Variants in PHACTR4 observed in about 807,000 individuals in gnomAD.
PHACTR4 encodes phosphatase and actin regulator 4.
Under a neutral mutation model 72.7 loss-of-function variants are expected in PHACTR4, and 51 were observed. That is an observed-to-expected ratio of 0.70 (90% CI 0.56 to 0.89). The LOEUF (loss-of-function observed/expected upper bound fraction) is 0.89, where lower values mean the gene tolerates loss of function less well. Among genes scored for constraint, PHACTR4 ranks in the 40% least tolerant of loss-of-function variants. The probability of loss-of-function intolerance (pLI) is 0.00; values close to 1 mark genes in which losing one functional copy is unlikely to be tolerated. For synonymous variants in PHACTR4, 255 were observed against 302.5 expected (o/e 0.84, Z 1.63); for missense variants, 731 against 861.8 (o/e 0.85, Z 1.90).
intron 1 of PHACTR4, 116 bp downstream of exon 1, chr1:28,369,941 G>A (rs781224630): frequency 1.1e-5 from 4 of 355,346 alleles, no homozygotes; most frequent in African/African-American, 6.9e-5. Context: ...CCGGGCAGAA[G>A]GTAACGGCCC....
chr1:28,426,325 G>A (rs1379235358), intron 2 of PHACTR4, among the ~76,000 whole-genome samples: 1 of 151,986 alleles, frequency 6.6e-6, no homozygotes, highest in Non-Finnish European at 1.5e-5. Flanking sequence ...ACCAATAGTA[G>A]TTGGTACTAT....
At chr1:28,460,113 A>T in intron 3 of PHACTR4, 99 bp from the exon 4 acceptor site, 1 of 675,864 alleles carries the variant, frequency 1.5e-6, no homozygotes, top group Non-Finnish European at 2.4e-6. Context: ...ATATAAACTT[A>T]AACTACTTTA....
intron 2 of PHACTR4, among the ~76,000 whole-genome samples, chr1:28,448,544 A>G (rs1657648458): frequency 6.8e-6 from 1 of 147,654 alleles, no homozygotes; most frequent in African/African-American, 2.5e-5. Flanking sequence ...TGAGGTCAGG[A>G]GATCGAGACC....
intron 13 of PHACTR4, 62 bp downstream of exon 13, chr1:28,493,153 A>T: frequency 7.3e-7 from 1 of 1,377,330 alleles, no homozygotes; most frequent in Admixed American, 1.7e-5. Flanking sequence ...AATTGTTCAG[A>T]TATGAAGGGC....
At chr1:28,494,349 A>G (rs1661213823) in intron 13 of PHACTR4, 1 of 152,058 alleles carries the variant, frequency 6.6e-6, no homozygotes, top group Admixed American at 6.6e-5. Context: ...CAAAAAATAA[A>G]CTTAAAAAAA....
intron 2 of PHACTR4, among the ~76,000 whole-genome samples, chr1:28,434,323 TC>T (rs1476808779): frequency 7.9e-6 from 1 of 126,798 alleles, no homozygotes; most frequent in African/African-American, 3.7e-5. Context: ...AAGAATCCTT[TC>T]TTTTTTTTTT....
At chr1:28,404,265 G>A (rs949011427) in intron 1 of PHACTR4, among the ~76,000 whole-genome samples, 2 of 123,948 alleles carry the variant, frequency 1.6e-5, no homozygotes, top group Admixed American at 8.4e-5. Flanking sequence ...ACAAGATTTT[G>A]TATGAACATC....
intron 9 of PHACTR4, among the ~76,000 whole-genome samples, chr1:28,486,838 G>A (rs932191609): frequency 3.3e-5 from 5 of 151,336 alleles, no homozygotes; most frequent in African/African-American, 1.2e-4. Flanking sequence ...CAGCCTGGGC[G>A]ACAGAGTGAG....
chr1:28,440,398 T>TTTTTTC (rs1656934828), intron 2 of PHACTR4, among the ~76,000 whole-genome samples: 1 of 103,842 alleles, frequency 9.6e-6, no homozygotes, highest in Non-Finnish European at 2.0e-5. Flanking sequence ...TCAATTCTTT[T>TTTTTTC]TTTTTTTTTT....
intron 2 of PHACTR4, among the ~76,000 whole-genome samples, chr1:28,435,955 G>A (rs1466467814): frequency 6.6e-6 from 1 of 152,148 alleles, no homozygotes; most frequent in East Asian, 1.9e-4. Context: ...TTTCTTTCCT[G>A]TTTTAATGGT....
At chr1:28,458,975 G>A (rs555895268) in intron 2 of PHACTR4, 110 bp from the exon 3 acceptor site, 10 of 960,546 alleles carry the variant, frequency 1.0e-5, no homozygotes, top group South Asian at 6.4e-5. Context: ...ATTGTTTATC[G>A]TTGCTCCGAT....
At chr1:28,369,928 G>A (rs1249443466) in intron 1 of PHACTR4, 103 bp downstream of exon 1, 3 of 379,752 alleles carry the variant, frequency 7.9e-6, no homozygotes, top group African/African-American at 6.8e-5. Flanking sequence ...AGAGGGTCCC[G>A]GTCCGGGCAG....
rs1322080116 is a variant in PHACTR4 at position 28,500,206 on chromosome 1, T to TA, written c.*3657_*3658insA. 1 of 152,134 alleles carries TA rather than the reference T, an allele frequency of 6.6e-6. No individual in the cohort carries two copies. The highest frequency in any genetic ancestry group is 1.5e-5 in the Non-Finnish European group (1 of 68,036). 9.4% of individuals were successfully genotyped at this position (152,134 alleles called of 1,614,324 possible). A position where few individuals can be genotyped will look rare whatever the true frequency, so the allele number is the denominator to read the frequency against. On this transcript the variant is annotated 3_prime_UTR_variant, in exon 14 of 14. Coordinates refer to ENST00000373839, the MANE Select transcript of PHACTR4 (RefSeq NM_001048183.3). ...TGTAAGTACCAACTTATATGGAAAC[T>TA]CACAATCATAATGTAAAGAAGAAAT...
intron 2 of PHACTR4, among the ~76,000 whole-genome samples, chr1:28,440,724 A>G (rs188923110): frequency 3.0e-4 from 46 of 152,226 alleles, no homozygotes; most frequent in Admixed American, 1.6e-3. Context: ...GCTATTTATA[A>G]TTCAGGATGT....
chr1:28,379,102 A>G (rs1651928390), intron 1 of PHACTR4, among the ~76,000 whole-genome samples: 1 of 151,878 alleles, frequency 6.6e-6, no homozygotes, highest in African/African-American at 2.4e-5. Flanking sequence ...GACTACAGGC[A>G]TACCGCCATG....
At chr1:28,495,263 C>A (rs545639612) in intron 13 of PHACTR4, among the ~76,000 whole-genome samples, 2 of 152,166 alleles carry the variant, frequency 1.3e-5, no homozygotes, top group South Asian at 4.1e-4. Flanking sequence ...CTCAATGAGG[C>A]TTTATTCTTT....
At chr1:28,415,105 C>G (rs1206134993) in intron 2 of PHACTR4, among the ~76,000 whole-genome samples, 1 of 151,610 alleles carries the variant, frequency 6.6e-6, no homozygotes, top group Non-Finnish European at 1.5e-5. Flanking sequence ...TACTAAAATA[C>G]AAAAAATTAC....
intron 9 of PHACTR4, among the ~76,000 whole-genome samples, chr1:28,485,453 G>A (rs1027032609): frequency 6.6e-6 from 1 of 151,366 alleles, no homozygotes; most frequent in African/African-American, 2.4e-5. Flanking sequence ...CGGGTGTTGT[G>A]GCAGGCACCT....
rs538543398 is a variant in PHACTR4, at chr1:28,381,599, G to C, written c.-39+11774G>C. 4.0e-5 allele frequency among the ~76,000 whole-genome samples: 6 copies of C among 151,382 alleles called. No individual in the cohort carries two copies. In the East Asian group the frequency reaches 1.2e-3, roughly 30 times the overall value. On this transcript the variant is annotated intron_variant, in intron 1 of 13. Transcript: ENST00000373839. The stretch of plus-strand genomic sequence containing the variant: ...AGGCATGAGCCACTGCGCCTGGCCT[G>C]GCCTATTTTTTTACTTTTTAATACT...
Sources: gnomAD v4.1 joint callset for allele counts (sites outside exome capture counted in the v4.1 genomes callset) on GRCh38, gnomAD v4.1.1 for gene constraint, MANE v1.5 for transcripts, NCBI Gene and HGNC (gene_info 2026-07-23, HGNC 2026-07-21) for gene names.